Variants in MAGI1 observed in about 807,000 individuals in gnomAD.
The protein encoded by MAGI1 is membrane-associated guanylate kinase, WW and PDZ domain-containing protein 1.
Under a neutral mutation model 139.9 loss-of-function variants are expected in MAGI1, and 58 were observed. The ratio of observed to expected loss-of-function variants is 0.41; its 90% CI spans 0.34 to 0.52. MAGI1 has a LOEUF of 0.52. Among genes scored for constraint, MAGI1 ranks in the 20% least tolerant of loss-of-function variants. MAGI1 has a pLI of 0.12. For missense variants in MAGI1, 1,874 were observed against 1,901.6 expected, an observed-to-expected ratio of 0.99 and a Z score of 0.27; for synonymous variants, 812 against 737.9, an observed-to-expected ratio of 1.10 and a Z score of -1.63.
intron 1 of MAGI1, among the ~76,000 whole-genome samples, chr3:65,664,253 A>G (rs183022260): frequency 1.2e-3 from 179 of 152,304 alleles, no homozygotes; most frequent in South Asian, 5.4e-3. Context: ...TCCAGAAAAA[A>G]TAAGCCACTT....
At chr3:65,616,158 C>T (rs2083357334) in intron 2 of MAGI1, among the ~76,000 whole-genome samples, 1 of 152,134 alleles carries the variant, frequency 6.6e-6, no homozygotes, top group South Asian at 2.1e-4. Context: ...TAATGCTTGT[C>T]TTCTTAAAGG....
intron 8 of MAGI1, among the ~76,000 whole-genome samples, chr3:65,440,640 TA>T (rs1423512658): frequency 6.6e-6 from 1 of 152,096 alleles, no homozygotes; most frequent in East Asian, 1.9e-4. Flanking sequence ...TCACATCTGT[TA>T]ACTATTTTGA....
chr3:65,542,438 C>T (rs1450184512), intron 2 of MAGI1, among the ~76,000 whole-genome samples: 1 of 151,884 alleles, frequency 6.6e-6, no homozygotes, highest in Admixed American at 6.6e-5. Flanking sequence ...TCATATGGAA[C>T]CCAAAAAGTG....
intron 1 of MAGI1, among the ~76,000 whole-genome samples, chr3:65,667,605 T>G (rs780592480): frequency 3.9e-5 from 6 of 152,104 alleles, no homozygotes; most frequent in Non-Finnish European, 7.3e-5. Context: ...AGGATCTCAT[T>G]TTTTCACCCG....
intron 2 of MAGI1, among the ~76,000 whole-genome samples, chr3:65,586,919 A>G (rs961102983): frequency 6.6e-6 from 1 of 152,174 alleles, no homozygotes; most frequent in African/African-American, 2.4e-5. Context: ...AACAGGTCAC[A>G]AAAGCTGATG....
chr3:65,837,650 T>C (rs368233785), intron 1 of MAGI1, among the ~76,000 whole-genome samples: 1 of 152,342 alleles, frequency 6.6e-6, no homozygotes, highest in Non-Finnish European at 1.5e-5. Context: ...TAAATACGAA[T>C]GCAAAGCGCG....
intron 1 of MAGI1, among the ~76,000 whole-genome samples, chr3:66,003,598 C>A (rs974275198): frequency 2.1e-5 from 3 of 144,616 alleles, no homozygotes; most frequent in Non-Finnish European, 4.7e-5. Context: ...GCTGGGATTA[C>A]AGACACACAC....
intron 1 of MAGI1, among the ~76,000 whole-genome samples, chr3:65,926,613 G>C (rs1320075914): frequency 1.3e-5 from 2 of 152,174 alleles, no homozygotes; most frequent in African/African-American, 2.4e-5. Context: ...ATGGTGATGA[G>C]AGTGACCTCT....
chr3:65,479,297 G>A (rs907852553), intron 3 of MAGI1, among the ~76,000 whole-genome samples: 13 of 152,188 alleles, frequency 8.5e-5, no homozygotes, highest in African/African-American at 7.2e-5. Context: ...CCCACGTGGC[G>A]CCTCTTTAGC....
intron 1 of MAGI1, among the ~76,000 whole-genome samples, chr3:65,685,953 C>T (rs764153869): frequency 4.6e-5 from 7 of 152,208 alleles, no homozygotes; most frequent in Non-Finnish European, 8.8e-5. Context: ...CCACTTAACA[C>T]CCTCTCGCAG....
intron 2 of MAGI1, among the ~76,000 whole-genome samples, chr3:65,560,417 A>G (rs1035709304): frequency 2.9e-4 from 44 of 152,208 alleles, no homozygotes; most frequent in African/African-American, 1.0e-3. Flanking sequence ...AAATACATAT[A>G]CCTACTATGG....
chr3:65,851,449 A>G (rs2108393912), intron 1 of MAGI1, among the ~76,000 whole-genome samples: 1 of 151,996 alleles, frequency 6.6e-6, no homozygotes, highest in Non-Finnish European at 1.5e-5. Context: ...AAACTAAATA[A>G]AAAAAAATCT....
chr3:65,974,395 ATGGG>A (rs1207727834), intron 1 of MAGI1, among the ~76,000 whole-genome samples: 171 of 134,028 alleles, frequency 1.3e-3, no homozygotes, highest in African/African-American at 4.0e-3. Flanking sequence ...GGCTGGGTGG[ATGGG>A]TGGATGGGTG....
chr3:65,716,635 T>TTC (rs1259392058), intron 1 of MAGI1, among the ~76,000 whole-genome samples: 5 of 152,232 alleles, frequency 3.3e-5, no homozygotes, highest in Admixed American at 6.5e-5. Flanking sequence ...TTTCTCAGTA[T>TTC]TCTCTCTCCC....
intron 2 of MAGI1, among the ~76,000 whole-genome samples, chr3:65,592,793 C>T (rs1392244784): frequency 6.6e-6 from 1 of 152,134 alleles, no homozygotes; most frequent in African/African-American, 2.4e-5. Context: ...ACGAACCCAA[C>T]TTTTGTTTTG....
chr3:65,869,437 C>G (rs1429009096), intron 1 of MAGI1, among the ~76,000 whole-genome samples: 3 of 149,662 alleles, frequency 2.0e-5, no homozygotes, highest in South Asian at 2.1e-4. Context: ...GTCTTGCTCT[C>G]TCACCCAGGT....
intron 4 of MAGI1, among the ~76,000 whole-genome samples, chr3:65,474,802 C>T (rs1950774819): frequency 6.6e-6 from 1 of 152,110 alleles, no homozygotes; most frequent in Non-Finnish European, 1.5e-5. Flanking sequence ...AGCTGATGAA[C>T]TTGATTTAAA....
At chr3:65,737,862 A>C (rs1192905500) in intron 1 of MAGI1, among the ~76,000 whole-genome samples, 2 of 152,102 alleles carry the variant, frequency 1.3e-5, no homozygotes, top group Non-Finnish European at 2.9e-5. Flanking sequence ...AATTACCGAA[A>C]ACAACACACA....
intron 2 of MAGI1, among the ~76,000 whole-genome samples, chr3:65,523,529 T>C (rs1410093707): frequency 6.6e-6 from 1 of 152,178 alleles, no homozygotes; most frequent in East Asian, 1.9e-4. Context: ...TGAACTTCTG[T>C]CCTGGAGTGA....
Sources: gnomAD v4.1 joint callset for allele counts (sites outside exome capture counted in the v4.1 genomes callset) on GRCh38, gnomAD v4.1.1 for gene constraint, MANE v1.5 for transcripts, NCBI Gene and HGNC (gene_info 2026-07-23, HGNC 2026-07-21) for gene names.